Variants in SGCZ observed in about 807,000 individuals in gnomAD.
SGCZ encodes sarcoglycan zeta, also known as zeta-sarcoglycan.
A neutral mutation model predicts 41.3 loss-of-function variants in SGCZ; 40 were observed. The ratio of observed to expected loss-of-function variants is 0.97; its 90% confidence interval spans 0.75 to 1.26. The LOEUF is 1.26. SGCZ is among the 50% of genes most tolerant of loss of function. SGCZ has a pLI of 0.00. For missense variants in SGCZ, 552 were observed against 369.8 expected, an observed-to-expected ratio of 1.49 and a Z score of -4.04; for synonymous variants, 206 against 137.5, an observed-to-expected ratio of 1.50 and a Z score of -3.49.
At position 14,232,588 on chromosome 8, in the gene SGCZ, T is replaced by C. The variant is rs183616005; in HGVS notation, c.424+5004A>G. Among the ~76,000 whole-genome samples the C allele has an allele frequency of 1.5e-3, 234 of 152,032 alleles. 1 individual carries two copies. The Middle Eastern group carries it at 0.02, about 13-fold the overall frequency. On this transcript the variant is annotated intron_variant, in intron 4 of 7. Coordinates refer to ENST00000382080, the MANE Select transcript of SGCZ (RefSeq NM_139167.4). The stretch of plus-strand genomic sequence containing the variant: ...ATACAATTTGGTTATGCCACTGATT[T>C]TGTTTTTTATTTTTTATTTTATTAT...
chr8:14,245,779 G>T (rs1283744278), intron 3 of SGCZ, among the ~76,000 whole-genome samples: 3 of 152,078 alleles, frequency 2.0e-5, no homozygotes, highest in African/African-American at 7.2e-5. Context: ...ATCAAAAAGT[G>T]GGTGAAGGAC....
At chr8:14,453,472 T>G (rs1315544987) in intron 2 of SGCZ, among the ~76,000 whole-genome samples, 3 of 152,176 alleles carry the variant, frequency 2.0e-5, no homozygotes, top group Non-Finnish European at 4.4e-5. Flanking sequence ...CATAACACAT[T>G]ATTTACAAAT....
intron 1 of SGCZ, among the ~76,000 whole-genome samples, chr8:15,219,686 A>G (rs765233119): frequency 2.0e-5 from 3 of 152,184 alleles, no homozygotes; most frequent in Non-Finnish European, 4.4e-5. Flanking sequence ...CTAAGTGAAT[A>G]CAGAAGGAAA....
intron 1 of SGCZ, among the ~76,000 whole-genome samples, chr8:14,800,819 C>G (rs1481679040): frequency 6.6e-6 from 1 of 152,110 alleles, no homozygotes; most frequent in African/African-American, 2.4e-5. Flanking sequence ...CAGACTAATA[C>G]ACTATACTAC....
intron 1 of SGCZ, among the ~76,000 whole-genome samples, chr8:14,694,309 T>C (rs572759130): frequency 6.6e-6 from 1 of 152,334 alleles, no homozygotes; most frequent in African/African-American, 2.4e-5. Context: ...AAAGTGCTCT[T>C]TGAAATGTTG....
chr8:14,579,700 G>A (rs1222595928), intron 1 of SGCZ, among the ~76,000 whole-genome samples: 1 of 152,144 alleles, frequency 6.6e-6, no homozygotes, highest in Admixed American at 6.5e-5. Flanking sequence ...GATTAATTAG[G>A]ATTCTGGACA....
Position 15,201,278 on chromosome 8 carries a change from A to G in SGCZ, c.39+36307T>C, listed in dbSNP as rs192602968. Among the ~76,000 whole-genome samples, 723 of 152,204 alleles carry G rather than the reference A, an allele frequency of 4.8e-3. 3 individuals are homozygous for G. The highest frequency in any genetic ancestry group is 7.7e-3 in the Admixed American group (117 of 15,286). On this transcript the variant is annotated intron_variant, in intron 1 of 7. Transcript: ENST00000382080. ...GTCATCTGCCCACCTCAGCCTCCCA[A>G]AGTGTTGGGATTACAGGCGTGAGCC...
At chr8:14,185,026 T>A (rs144585444) in intron 4 of SGCZ, among the ~76,000 whole-genome samples, 490 of 152,322 alleles carry the variant, frequency 3.2e-3, no homozygotes, top group Non-Finnish European at 4.2e-3. Flanking sequence ...ACATTTAAGT[T>A]TCTTTTCAAC....
intron 2 of SGCZ, among the ~76,000 whole-genome samples, chr8:14,543,896 G>C (rs1187898953): frequency 6.6e-6 from 1 of 152,108 alleles, no homozygotes; most frequent in Non-Finnish European, 1.5e-5. Context: ...TACAGAATTT[G>C]AAAGACAAGA....
chr8:14,526,800 G>A (rs1005333782), intron 2 of SGCZ, among the ~76,000 whole-genome samples: 8 of 151,990 alleles, frequency 5.3e-5, no homozygotes, highest in African/African-American at 9.7e-5. Context: ...TCCTGAAACA[G>A]GAGAATTTAT....
intron 2 of SGCZ, among the ~76,000 whole-genome samples, chr8:14,393,390 T>C (rs1409801539): frequency 2.0e-5 from 3 of 152,114 alleles, no homozygotes; most frequent in Non-Finnish European, 2.9e-5. Context: ...CGACTCCATC[T>C]TCCCTTGTCA....
intron 2 of SGCZ, among the ~76,000 whole-genome samples, chr8:14,357,656 G>T (rs1426995): frequency 0.35 from 52,524 of 151,938 alleles, 10,200 homozygotes; most frequent in African/African-American, 0.53. Flanking sequence ...AAATGTCAAA[G>T]GCATTGACTG....
intron 1 of SGCZ, among the ~76,000 whole-genome samples, chr8:14,755,427 G>C (rs1049324161): frequency 1.2e-5 from 1 of 80,462 alleles, no homozygotes; most frequent in Non-Finnish European, 2.4e-5. Context: ...TTAAGTGTCA[G>C]CTGGTTTTTC....
chr8:14,473,699 A>C (rs992231660), intron 2 of SGCZ, among the ~76,000 whole-genome samples: 2 of 152,120 alleles, frequency 1.3e-5, no homozygotes, highest in Admixed American at 1.3e-4. Context: ...GCACTTTGGG[A>C]GGTCGAGGTG....
chr8:14,423,113 A>C (rs2117311548), intron 2 of SGCZ, among the ~76,000 whole-genome samples: 1 of 149,868 alleles, frequency 6.7e-6, no homozygotes, highest in East Asian at 2.1e-4. Context: ...TTTTCTTGGC[A>C]GTGTTGTGTG....
chr8:14,548,808 C>G (rs1249211766), intron 2 of SGCZ, among the ~76,000 whole-genome samples: 1 of 151,976 alleles, frequency 6.6e-6, no homozygotes, highest in Non-Finnish European at 1.5e-5. Flanking sequence ...CATATGAGAC[C>G]AAATTGGGTC....
At chr8:14,095,443 G>C (rs902124533) in intron 7 of SGCZ, among the ~76,000 whole-genome samples, 1 of 151,832 alleles carries the variant, frequency 6.6e-6, no homozygotes, top group African/African-American at 2.4e-5. Context: ...TAGATGTATG[G>C]TGTTATTTCT....
chr8:14,705,073 A>C (rs1252796819), intron 1 of SGCZ, among the ~76,000 whole-genome samples: 1 of 151,972 alleles, frequency 6.6e-6, no homozygotes, highest in Non-Finnish European at 1.5e-5. Context: ...TCTTTTTTCC[A>C]GTTCTAAAGT....
intron 2 of SGCZ, among the ~76,000 whole-genome samples, chr8:14,481,024 TAAA>T (rs1371640907): frequency 2.0e-5 from 3 of 151,716 alleles, no homozygotes. Flanking sequence ...CTCAGAAAAA[TAAA>T]AAGGCTTCCA....
Sources: allele counts gnomAD v4.1 joint callset (sites outside exome capture counted in the v4.1 genomes callset), GRCh38; gene constraint gnomAD v4.1.1; transcripts MANE v1.5; gene names NCBI Gene and HGNC (gene_info 2026-07-23, HGNC 2026-07-21).